GPHN: variants seen among roughly 807,000 people sequenced by gnomAD.
GPHN encodes the protein gephyrin.
Under a neutral mutation model 95.5 loss-of-function variants are expected in GPHN, and 17 were observed. The ratio of observed to expected loss-of-function variants is 0.18; its 90% CI spans 0.12 to 0.27. The LOEUF is 0.27. Among genes scored for constraint, GPHN ranks in the 10% least tolerant of loss-of-function variants. The pLI, the probability that GPHN is intolerant of heterozygous loss-of-function variation, is 1.00. For synonymous variants in GPHN, 320 were observed against 322.5 expected (o/e 0.99, Z 0.08); for missense variants, 660 against 978.1 (o/e 0.67, Z 4.34).
At chr14:67,252,651 A>T in the GPHN span, among the ~76,000 whole-genome samples, 1 of 152,330 alleles carries the variant, frequency 6.6e-6, no homozygotes, top group East Asian at 1.9e-4. Context: ...ATTGTAGGAC[A>T]CCCAGTCGGT....
chr14:66,997,043 G>GTA (rs113179464), intron 9 of GPHN, among the ~76,000 whole-genome samples: 9,552 of 152,116 alleles, frequency 0.063, 336 homozygotes, highest in Middle Eastern at 0.085. Context: ...AGAAGAAAGA[G>GTA]TATGTACCTT....
chr14:67,485,639 C>T, the GPHN span, among the ~76,000 whole-genome samples: 4 of 152,204 alleles, frequency 2.6e-5, no homozygotes, highest in South Asian at 2.1e-4. Context: ...CACCAGGCTA[C>T]GGGCCCTGCA....
the GPHN span, among the ~76,000 whole-genome samples, chr14:67,285,234 T>C: frequency 6.6e-6 from 1 of 152,224 alleles, no homozygotes; most frequent in Admixed American, 6.5e-5. Flanking sequence ...GAGTTGGAAT[T>C]ATTTACACAA....
chr14:67,012,970 T>A (rs1022095661), intron 9 of GPHN, among the ~76,000 whole-genome samples: 5 of 152,134 alleles, frequency 3.3e-5, no homozygotes, highest in African/African-American at 1.2e-4. Context: ...GAAACTATCT[T>A]ATTTATGTAC....
chr14:66,532,335 A>AT (rs1203222325), intron 1 of GPHN, among the ~76,000 whole-genome samples: 1 of 152,152 alleles, frequency 6.6e-6, no homozygotes, highest in South Asian at 2.1e-4. Flanking sequence ...GTCTTTCTAT[A>AT]TGGCTGATTC....
the GPHN span, chr14:67,302,183 T>A: frequency 3.4e-6 from 5 of 1,485,378 alleles, no homozygotes; most frequent in South Asian, 2.9e-5. Context: ...TTCAAAAGTC[T>A]GGTTAATTTC....
At chr14:67,352,473 T>C in the GPHN span, among the ~76,000 whole-genome samples, 2 of 149,874 alleles carry the variant, frequency 1.3e-5, no homozygotes, top group Non-Finnish European at 3.0e-5. Context: ...TGTCATACCA[T>C]GCGGTAGTAC....
chr14:66,566,321 G>C (rs2060461570), intron 1 of GPHN, among the ~76,000 whole-genome samples: 1 of 152,020 alleles, frequency 6.6e-6, no homozygotes, highest in South Asian at 2.1e-4. Context: ...TAATTGAATA[G>C]ATGTTTCCTT....
the GPHN span, among the ~76,000 whole-genome samples, chr14:67,266,686 A>G: frequency 2.0e-5 from 3 of 152,280 alleles, no homozygotes; most frequent in East Asian, 5.8e-4. Flanking sequence ...TTTCTTCTGC[A>G]AAGATAGGTC....
the GPHN span, chr14:67,650,972 C>A: frequency 1.3e-6 from 2 of 1,539,114 alleles, no homozygotes; most frequent in Non-Finnish European, 1.8e-6. Flanking sequence ...AATTATGAGG[C>A]ATTGAGGGGA....
intron 19 of GPHN, among the ~76,000 whole-genome samples, chr14:67,163,435 AG>A (rs1253765787): frequency 6.6e-6 from 1 of 152,176 alleles, no homozygotes; most frequent in Non-Finnish European, 1.5e-5. Flanking sequence ...TCAAGATGAT[AG>A]CAATCTCGCA....
the GPHN span, among the ~76,000 whole-genome samples, chr14:67,534,064 A>G: frequency 1.3e-5 from 2 of 152,088 alleles, no homozygotes; most frequent in Admixed American, 6.5e-5. Flanking sequence ...AAACTCTTCC[A>G]AGACAGAGCC....
chr14:66,993,332 C>A (rs1162212664), intron 9 of GPHN, among the ~76,000 whole-genome samples: 1 of 152,058 alleles, frequency 6.6e-6, no homozygotes, highest in African/African-American at 2.4e-5. Context: ...TTATAAATTT[C>A]TCTTTTATTG....
intron 4 of GPHN, among the ~76,000 whole-genome samples, chr14:66,827,366 A>T (rs1214262166): frequency 6.6e-6 from 1 of 152,086 alleles, no homozygotes; most frequent in Non-Finnish European, 1.5e-5. Flanking sequence ...CACTCAGGAA[A>T]TTCCCAAGGG....
intron 2 of GPHN, among the ~76,000 whole-genome samples, chr14:66,762,962 T>C (rs2058813982): frequency 1.3e-5 from 2 of 152,204 alleles, no homozygotes; most frequent in African/African-American, 2.4e-5. Context: ...TTTTCCAAAA[T>C]TATTTTGGTC....
chr14:66,661,273 G>T (rs1009822724), intron 1 of GPHN, among the ~76,000 whole-genome samples: 1 of 152,194 alleles, frequency 6.6e-6, no homozygotes, highest in African/African-American at 2.4e-5. Context: ...CAGAGTTGCT[G>T]GCGGGAGGGG....
chr14:66,547,263 T>C (rs192633603), intron 1 of GPHN, among the ~76,000 whole-genome samples: 1 of 152,378 alleles, frequency 6.6e-6, no homozygotes, highest in African/African-American at 2.4e-5. Context: ...TTTCACCATA[T>C]GTTATTTTCT....
chr14:66,901,485 T>C (rs2065128117), intron 5 of GPHN, among the ~76,000 whole-genome samples: 1 of 152,064 alleles, frequency 6.6e-6, no homozygotes, highest in Non-Finnish European at 1.5e-5. Flanking sequence ...TTCCTCAGTG[T>C]TTTCTTCTAG....
intron 3 of GPHN, among the ~76,000 whole-genome samples, chr14:66,787,179 A>G (rs765845471): frequency 6.6e-6 from 1 of 152,188 alleles, no homozygotes; most frequent in Non-Finnish European, 1.5e-5. Context: ...ACAAAAAGAA[A>G]AAAATCAATT....
Sources: allele counts gnomAD v4.1 joint callset (sites outside exome capture counted in the v4.1 genomes callset), GRCh38; gene constraint gnomAD v4.1.1; transcripts MANE v1.5; gene names NCBI Gene and HGNC (gene_info 2026-07-23, HGNC 2026-07-21).